KSR2: variants seen among roughly 807,000 people sequenced by gnomAD.
The protein encoded by KSR2 is kinase suppressor of ras 2.
Under a neutral mutation model 107.8 loss-of-function variants are expected in KSR2, and 25 were observed. That is an observed-to-expected ratio of 0.23 (90% confidence interval 0.17 to 0.32). KSR2 has a LOEUF of 0.32. Ranked by LOEUF, KSR2 falls within the 10% of genes least tolerant of loss-of-function variation. The pLI, the probability that KSR2 is intolerant of heterozygous loss-of-function variation, is 1.00. For synonymous variants in KSR2, 480 were observed against 507.0 expected, an observed-to-expected ratio of 0.95 and a Z score of 0.71; for missense variants, 887 against 1,268.9, an observed-to-expected ratio of 0.70 and a Z score of 4.57.
At chr12:117,798,497 G>T (rs1209923103) in intron 3 of KSR2, among the ~76,000 whole-genome samples, 1 of 152,076 alleles carries the variant, frequency 6.6e-6, no homozygotes, top group Non-Finnish European at 1.5e-5. Flanking sequence ...GCTGGGCATG[G>T]TGGCACACAC....
chr12:117,684,151 T>C (rs907688706), intron 4 of KSR2, among the ~76,000 whole-genome samples: 2 of 152,134 alleles, frequency 1.3e-5, no homozygotes, highest in African/African-American at 4.8e-5. Context: ...CACTGGGACT[T>C]TATCTAGTGT....
At chr12:117,610,855 T>TTA (rs1249406457) in intron 5 of KSR2, among the ~76,000 whole-genome samples, 1 of 151,400 alleles carries the variant, frequency 6.6e-6, no homozygotes, top group African/African-American at 2.4e-5. Context: ...GACATATAGA[T>TTA]AGATAAAGAG....
At chr12:117,946,658 G>A (rs966274328) in intron 1 of KSR2, among the ~76,000 whole-genome samples, 2 of 151,794 alleles carry the variant, frequency 1.3e-5, no homozygotes, top group Non-Finnish European at 2.9e-5. Context: ...CTAAACAAAG[G>A]CAGTACAAAA....
intron 13 of KSR2, 68 bp downstream of exon 13, chr12:117,527,003 G>A (rs185427580): frequency 1.5e-4 from 197 of 1,353,298 alleles, no homozygotes; most frequent in East Asian, 9.6e-4. Context: ...CATCCAAAAC[G>A]TCAGTCGGCT....
intron 4 of KSR2, among the ~76,000 whole-genome samples, chr12:117,712,756 A>G (rs1025803763): frequency 6.6e-6 from 1 of 152,190 alleles, no homozygotes; most frequent in Non-Finnish European, 1.5e-5. Context: ...CACATAGCCA[A>G]TTCTTGAAAA....
chr12:117,577,447 T>C (rs1879353938), intron 7 of KSR2, among the ~76,000 whole-genome samples: 1 of 152,166 alleles, frequency 6.6e-6, no homozygotes, highest in Non-Finnish European at 1.5e-5. Flanking sequence ...CTGTGTTATG[T>C]TCTCAAGTGT....
intron 14 of KSR2, among the ~76,000 whole-genome samples, chr12:117,518,878 A>G (rs568230878): frequency 2.0e-5 from 3 of 152,070 alleles, no homozygotes; most frequent in African/African-American, 4.8e-5. Context: ...CACTTCCCCT[A>G]TGAAGCCCCC....
intron 1 of KSR2, among the ~76,000 whole-genome samples, chr12:117,929,806 G>C (rs1036009969): frequency 6.6e-6 from 1 of 152,138 alleles, no homozygotes; most frequent in Non-Finnish European, 1.5e-5. Flanking sequence ...ACCTACAACA[G>C]GCAAATTCAT....
At chr12:117,683,524 T>A (rs1885453253) in intron 4 of KSR2, among the ~76,000 whole-genome samples, 1 of 152,206 alleles carries the variant, frequency 6.6e-6, no homozygotes, top group African/African-American at 2.4e-5. Flanking sequence ...TACATAAATG[T>A]GTATATTATA....
Position 117,554,208 on chromosome 12 carries a change from A to T in KSR2, c.1518+961T>A, listed in dbSNP as rs546644209. On this transcript the variant is annotated intron_variant, in intron 9 of 19. Coordinates refer to ENST00000339824, the MANE Select transcript of KSR2 (RefSeq NM_173598.6). ...ATAGATTTGGTACAGCCCCATCAGC[A>T]GACCAAATAAAGGATATGGAAATCA... Among the ~76,000 whole-genome samples the T allele has an allele frequency of 3.3e-5, 5 of 152,282 alleles. No individual in the cohort carries two copies. In the East Asian group the frequency reaches 9.7e-4, roughly 29 times the overall value.
chr12:117,953,495 A>G (rs1285880543), intron 1 of KSR2, among the ~76,000 whole-genome samples: 1 of 152,242 alleles, frequency 6.6e-6, no homozygotes, highest in East Asian at 1.9e-4. Context: ...TTATTTAGCC[A>G]TAAACACGAA....
At chr12:117,475,358 T>C (rs923891120) in intron 17 of KSR2, among the ~76,000 whole-genome samples, 1 of 152,206 alleles carries the variant, frequency 6.6e-6, no homozygotes, top group African/African-American at 2.4e-5. Flanking sequence ...TTCCTGACTC[T>C]TCATCCATCA....
intron 14 of KSR2, among the ~76,000 whole-genome samples, chr12:117,519,858 C>T (rs1340000567): frequency 6.6e-6 from 1 of 151,986 alleles, no homozygotes; most frequent in Non-Finnish European, 1.5e-5. Context: ...TGGAGAAGCA[C>T]ATAAACACCG....
intron 3 of KSR2, among the ~76,000 whole-genome samples, chr12:117,796,819 A>G (rs943459791): frequency 2.0e-5 from 3 of 152,196 alleles, no homozygotes; most frequent in Non-Finnish European, 4.4e-5. Context: ...CCATATGTTG[A>G]TAGAACCCCC....
chr12:117,654,634 T>C (rs1354770510), intron 5 of KSR2, among the ~76,000 whole-genome samples: 2 of 152,208 alleles, frequency 1.3e-5, no homozygotes, highest in Non-Finnish European at 2.9e-5. Flanking sequence ...TTGTGGGCTG[T>C]AGCCAGTGGT....
intron 5 of KSR2, among the ~76,000 whole-genome samples, chr12:117,637,604 C>T (rs138259983): frequency 6.7e-6 from 1 of 148,934 alleles, no homozygotes; most frequent in East Asian, 2.0e-4. Flanking sequence ...GAATCAATGA[C>T]TAAATGTCAG....
chr12:117,512,556 C>T (rs1874094385), intron 14 of KSR2, among the ~76,000 whole-genome samples: 1 of 152,122 alleles, frequency 6.6e-6, no homozygotes, highest in Non-Finnish European at 1.5e-5. Flanking sequence ...TCTGTATTTT[C>T]AAAAGCCCTC....
intron 5 of KSR2, among the ~76,000 whole-genome samples, chr12:117,629,386 T>A (rs1234433133): frequency 6.6e-6 from 1 of 152,186 alleles, no homozygotes; most frequent in Non-Finnish European, 1.5e-5. Flanking sequence ...CTGCTTACAT[T>A]CATACATTAC....
intron 3 of KSR2, among the ~76,000 whole-genome samples, chr12:117,844,251 A>G (rs1240213209): frequency 6.6e-6 from 1 of 152,052 alleles, no homozygotes; most frequent in Admixed American, 6.5e-5. Flanking sequence ...ACCATCTTGG[A>G]TGTTCCAGCC....
Sources: allele counts gnomAD v4.1 joint callset (sites outside exome capture counted in the v4.1 genomes callset), GRCh38; gene constraint gnomAD v4.1.1; transcripts MANE v1.5; gene names NCBI Gene and HGNC (gene_info 2026-07-23, HGNC 2026-07-21).